The following LARGE1 variants were observed in gnomAD, a reference collection of about 807,000 sequenced individuals.
The protein encoded by LARGE1 is xylosyl- and glucuronyltransferase LARGE1.
A neutral mutation model predicts 87.6 loss-of-function variants in LARGE1; 43 were observed. The ratio of observed to expected loss-of-function variants is 0.49; its 90% CI spans 0.38 to 0.63. LARGE1 has a LOEUF of 0.63. Ranked by LOEUF, LARGE1 falls within the 30% of genes least tolerant of loss-of-function variation. LARGE1 has a pLI of 0.00. For synonymous variants in LARGE1, 434 were observed against 394.6 expected (o/e 1.10, Z -1.18); for missense variants, 802 against 1,000.2 (o/e 0.80, Z 2.67).
At chr22:33,137,091 C>A in the LARGE1 span, 5 of 152,202 alleles carry the variant, frequency 3.3e-5, no homozygotes, top group East Asian at 1.9e-4. Context: ...AGGTTTACCA[C>A]AATATACAGG....
chr22:33,809,512 G>A (rs2086424540), intron 1 of LARGE1, among the ~76,000 whole-genome samples: 1 of 152,162 alleles, frequency 6.6e-6, no homozygotes, highest in Non-Finnish European at 1.5e-5. Flanking sequence ...AAGGACAGAT[G>A]GATGAATAGT....
intron 2 of LARGE1, among the ~76,000 whole-genome samples, chr22:33,677,110 G>C (rs1045351215): frequency 3.3e-5 from 5 of 152,090 alleles, no homozygotes; most frequent in Admixed American, 6.5e-5. Context: ...GGCAGGGCCA[G>C]CATTAGAACC....
intron 7 of LARGE1, among the ~76,000 whole-genome samples, chr22:33,403,245 T>A (rs1043239468): frequency 6.6e-6 from 1 of 152,196 alleles, no homozygotes; most frequent in Non-Finnish European, 1.5e-5. Context: ...AATACAAGTA[T>A]AAGCTCCTGC....
At chr22:33,601,015 A>T (rs1376092751) in intron 5 of LARGE1, among the ~76,000 whole-genome samples, 1 of 152,142 alleles carries the variant, frequency 6.6e-6, no homozygotes, top group African/African-American at 2.4e-5. Context: ...GGTTGCAATG[A>T]GCCGAGATCA....
chr22:33,726,213 G>A (rs2083268900), intron 2 of LARGE1: 2 of 152,014 alleles, frequency 1.3e-5, no homozygotes, highest in Admixed American at 6.6e-5. Flanking sequence ...TAAGTAGATG[G>A]GTAGAGTGCA....
At chr22:33,302,259 G>T (rs574000429) in intron 12 of LARGE1, among the ~76,000 whole-genome samples, 1 of 152,230 alleles carries the variant, frequency 6.6e-6, no homozygotes, top group Non-Finnish European at 1.5e-5. Flanking sequence ...TGGCACAGGC[G>T]CTGGGGCTGG....
the LARGE1 span, among the ~76,000 whole-genome samples, chr22:33,079,177 G>A: frequency 6.6e-6 from 1 of 151,428 alleles, no homozygotes; most frequent in Non-Finnish European, 1.5e-5. Flanking sequence ...GCGCTTAGAG[G>A]CAGCGGTGCC....
chr22:33,860,271 C>T (rs1009606135), intron 1 of LARGE1, among the ~76,000 whole-genome samples: 16 of 152,070 alleles, frequency 1.1e-4, no homozygotes, highest in African/African-American at 4.8e-5. Flanking sequence ...GGATTACAGG[C>T]GTGAGCCACG....
intron 11 of LARGE1, among the ~76,000 whole-genome samples, chr22:33,180,048 T>C (rs573189292): frequency 1.3e-5 from 2 of 152,324 alleles, no homozygotes; most frequent in South Asian, 4.2e-4. Context: ...AGTCCTCCTC[T>C]CTGGAAGATG....
At chr22:33,305,174 T>C (rs996455558) in intron 11 of LARGE1, among the ~76,000 whole-genome samples, 2 of 151,358 alleles carry the variant, frequency 1.3e-5, no homozygotes, top group African/African-American at 4.9e-5. Flanking sequence ...GAGAAAAAAA[T>C]AACACTAAAA....
At chr22:33,090,619 T>C in the LARGE1 span, among the ~76,000 whole-genome samples, 3 of 152,192 alleles carry the variant, frequency 2.0e-5, no homozygotes, top group East Asian at 1.9e-4. Context: ...AATGGGGCCA[T>C]AGCATGTAGG....
chr22:33,214,818 A>G (rs963822701), intron 11 of LARGE1, among the ~76,000 whole-genome samples: 4 of 152,174 alleles, frequency 2.6e-5, no homozygotes, highest in Admixed American at 6.5e-5. Context: ...TTTCTGGGGC[A>G]TTGACTTTGC....
At chr22:33,073,092 G>A in the LARGE1 span, among the ~76,000 whole-genome samples, 1 of 152,192 alleles carries the variant, frequency 6.6e-6, no homozygotes, top group African/African-American at 2.4e-5. Context: ...TAAACAGGTC[G>A]TCTGTTGACC....
chr22:33,255,342 A>G (rs1272011025), intron 11 of LARGE1, among the ~76,000 whole-genome samples: 1 of 152,208 alleles, frequency 6.6e-6, no homozygotes, highest in Non-Finnish European at 1.5e-5. Context: ...GAGCTGCTAG[A>G]TCTGAAATGC....
intron 2 of LARGE1, among the ~76,000 whole-genome samples, chr22:33,676,004 CT>C (rs67419753): frequency 0.018 from 2,656 of 148,690 alleles, 88 homozygotes; most frequent in African/African-American, 0.062. Flanking sequence ...TGGAGGTTTT[CT>C]TTTTTTTTTT....
At chr22:33,754,067 A>G (rs1320796481) in intron 2 of LARGE1, among the ~76,000 whole-genome samples, 2 of 152,120 alleles carry the variant, frequency 1.3e-5, no homozygotes, top group Admixed American at 6.5e-5. Flanking sequence ...ATCTTAAAAA[A>G]AAGTAAAAGG....
At chr22:33,671,779 G>C (rs954973590) in intron 2 of LARGE1, among the ~76,000 whole-genome samples, 6 of 152,180 alleles carry the variant, frequency 3.9e-5, no homozygotes, top group Non-Finnish European at 7.3e-5. Context: ...GCATGTGGGA[G>C]TTATTGATAT....
At chr22:33,505,046 T>C (rs975373041) in intron 6 of LARGE1, among the ~76,000 whole-genome samples, 2 of 152,218 alleles carry the variant, frequency 1.3e-5, no homozygotes, top group Admixed American at 6.5e-5. Context: ...ACTACATCTC[T>C]AACTCCTCAG....
intron 5 of LARGE1, among the ~76,000 whole-genome samples, chr22:33,591,037 C>T (rs2078822332): frequency 6.6e-6 from 1 of 152,140 alleles, no homozygotes; most frequent in Admixed American, 6.5e-5. Context: ...CCCGTCTCTA[C>T]TAAAAATACA....
Sources: allele counts gnomAD v4.1 joint callset (sites outside exome capture counted in the v4.1 genomes callset), GRCh38; gene constraint gnomAD v4.1.1; transcripts MANE v1.5; gene names NCBI Gene and HGNC (gene_info 2026-07-23, HGNC 2026-07-21).